Variants in GARNL3 observed in about 807,000 individuals in gnomAD.
The protein encoded by GARNL3 is GTPase activating Rap/RanGAP domain like 3, also known as GTPase-activating Rap/Ran-GAP domain-like protein 3.
In GARNL3, 63 loss-of-function variants were observed where a neutral mutation model predicts 125.0. The observed-to-expected ratio is 0.50, with a 90% confidence interval of 0.41 to 0.62. GARNL3 has a LOEUF of 0.62. GARNL3 is among the 20% of genes least tolerant of loss of function. GARNL3 has a pLI of 0.00. For missense variants in GARNL3, 994 were observed against 1,244.0 expected (o/e 0.80, Z 3.02); for synonymous variants, 439 against 457.5 (o/e 0.96, Z 0.52).
At chr9:127,285,755 T>G (rs1007880652) in intron 1 of GARNL3, among the ~76,000 whole-genome samples, 3 of 152,196 alleles carry the variant, frequency 2.0e-5, no homozygotes, top group Non-Finnish European at 4.4e-5. Flanking sequence ...AAAATAACAT[T>G]TTTTATTTGA....
chr9:127,339,788 C>G (rs1300486570), intron 13 of GARNL3, 37 bp downstream of exon 13: 1 of 1,241,088 alleles, frequency 8.1e-7, no homozygotes, highest in African/African-American at 1.5e-5. Flanking sequence ...GCAACTTGTT[C>G]TATGTCAGAA....
intron 2 of GARNL3, among the ~76,000 whole-genome samples, chr9:127,250,406 A>G (rs2063380299): frequency 6.6e-6 from 1 of 152,196 alleles, no homozygotes; most frequent in Non-Finnish European, 1.5e-5. Flanking sequence ...GACTGAGTAG[A>G]TGTGGGATGT....
chr9:127,270,022 A>G (rs1181784482), intron 1 of GARNL3, among the ~76,000 whole-genome samples: 2 of 152,156 alleles, frequency 1.3e-5, no homozygotes, highest in Non-Finnish European at 2.9e-5. Flanking sequence ...TTCAATGTCC[A>G]GAAGATTCTC....
At chr9:127,376,116 C>G (rs894606432) in intron 22 of GARNL3, among the ~76,000 whole-genome samples, 1 of 152,144 alleles carries the variant, frequency 6.6e-6, no homozygotes, top group African/African-American at 2.4e-5. Flanking sequence ...CACACCACCA[C>G]GCCCAGCTAA....
At chr9:127,307,513 C>T (rs187845248) in intron 2 of GARNL3, among the ~76,000 whole-genome samples, 102 of 152,078 alleles carry the variant, frequency 6.7e-4, no homozygotes, top group African/African-American at 2.4e-3. Flanking sequence ...TTTAGTAGAA[C>T]AAAGAAAAAT....
At chr9:127,262,862 T>C (rs1425183030), upstream of GARNL3, among the ~76,000 whole-genome samples, 2 of 152,214 alleles carry the variant, frequency 1.3e-5, no homozygotes, top group African/African-American at 4.8e-5. Flanking sequence ...CTTGGAGCTC[T>C]GGGTGAGCCA....
At chr9:127,282,565 G>A (rs1332814290) in intron 1 of GARNL3, among the ~76,000 whole-genome samples, 1 of 152,142 alleles carries the variant, frequency 6.6e-6, no homozygotes, top group Non-Finnish European at 1.5e-5. Flanking sequence ...AACCTGGTCA[G>A]TTGAGCCCCA....
chr9:127,356,991 C>T (rs541796845), intron 20 of GARNL3, among the ~76,000 whole-genome samples: 14 of 152,378 alleles, frequency 9.2e-5, no homozygotes, highest in Non-Finnish European at 1.9e-4. Flanking sequence ...CTGGCCTCGA[C>T]CCTTTCCAGT....
chr9:127,351,482 AAAAG>A (rs1327341100), intron 17 of GARNL3, among the ~76,000 whole-genome samples: 1 of 152,092 alleles, frequency 6.6e-6, no homozygotes, highest in Non-Finnish European at 1.5e-5. Flanking sequence ...GCTTAAAAAA[AAAAG>A]AAGAAGAATC....
chr9:127,355,563 T>C, intron 20 of GARNL3, 91 bp downstream of exon 20: 1 of 1,246,916 alleles, frequency 8.0e-7, no homozygotes, highest in Non-Finnish European at 1.2e-6. Context: ...CCCACTGAGG[T>C]TGTCCCACTG....
Position 127,385,514 on chromosome 9 carries a change from C to T in GARNL3, c.2388+369C>T, listed in dbSNP as rs905388963. On this transcript the variant is annotated intron_variant, in intron 24 of 27. Transcript: ENST00000373387. The surrounding 1 kb of genome is among the most constrained non-coding windows in gnomAD (Gnocchi z 4.1). The stretch of plus-strand genomic sequence containing the variant: ...GCTTGCAATCTTTCTTCCTTTCCCA[C>T]CCTCTATCCTCAGTTTGAATTCTTA... Among the ~76,000 whole-genome samples, 1 of 152,166 alleles carries T rather than the reference C, an allele frequency of 6.6e-6. No individual in the cohort carries two copies. Among genetic ancestry groups the T allele is most frequent in the Non-Finnish European group, 1.5e-5 (1 of 68,022 alleles).
chr9:127,376,173 T>G (rs1831894195), intron 22 of GARNL3, among the ~76,000 whole-genome samples: 1 of 152,222 alleles, frequency 6.6e-6, no homozygotes, highest in Non-Finnish European at 1.5e-5. Flanking sequence ...TCAGCCAGGC[T>G]GGTCTCGAAC....
At chr9:127,259,168 CTT>C (rs1405349249), upstream of GARNL3, among the ~76,000 whole-genome samples, 1 of 152,170 alleles carries the variant, frequency 6.6e-6, no homozygotes, top group Non-Finnish European at 1.5e-5. Context: ...TTTAACAACT[CTT>C]GACTCTTTGG....
intron 2 of GARNL3, 57 bp from the exon 3 acceptor site, chr9:127,311,579 G>C (rs986753672): frequency 6.0e-5 from 72 of 1,201,024 alleles, no homozygotes; most frequent in Non-Finnish European, 8.7e-5. Flanking sequence ...TTCATTGCCA[G>C]GTTCATGTTT....
At chr9:127,342,371 G>A (rs367782195) in intron 14 of GARNL3, 37 bp downstream of exon 14, 51 of 1,362,282 alleles carry the variant, frequency 3.7e-5, no homozygotes, top group Non-Finnish European at 5.4e-5. Context: ...CCTTCTTATG[G>A]GGTCTGAGTT....
intron 7 of GARNL3, 27 bp from the exon 8 acceptor site, chr9:127,332,247 T>G (rs10987596): frequency 0.21 from 335,379 of 1,562,734 alleles, 39,079 homozygotes; most frequent in South Asian, 0.34. Context: ...TAAAATTAAC[T>G]GTAACACCTT....
In GARNL3 at chr9:127,276,292, A is replaced by G. The variant is rs149095468; in HGVS notation, c.144+11271A>G. The stretch of plus-strand genomic sequence containing the variant: ...AGGTCAGTCTTCATGTTACATGACA[A>G]CTCTGTAGCCCTGTTAAAATTTTCT... On this transcript the variant is annotated intron_variant, in intron 1 of 27. Coordinates refer to ENST00000373387, the MANE Select transcript of GARNL3 (RefSeq NM_032293.5). Among the ~76,000 whole-genome samples the G allele has an allele frequency of 3.7e-3, 561 of 151,680 alleles. 8 individuals carry two copies. Among genetic ancestry groups the G allele is most frequent in the African/African-American group, 0.013 (533 of 41,326 alleles).
chr9:127,348,916 C>T lies in GARNL3; in HGVS notation c.1432-8C>T, dbSNP rs1174446517. 20 of 1,594,922 alleles carry T rather than the reference C, an allele frequency of 1.3e-5. No individual in the cohort carries two copies. The highest frequency in any genetic ancestry group is 1.6e-5 in the Non-Finnish European group (19 of 1,166,042). ...CACTTATCTTCCGATGCTTGTATTG[C>T]CTCACAGCCGTGGGAGCCCCAGTGT... On this transcript the variant is annotated splice_polypyrimidine_tract_variant and splice_region_variant and intron_variant, in intron 16 of 27. Coordinates refer to ENST00000373387, the MANE Select transcript of GARNL3 (RefSeq NM_032293.5).
intron 1 of GARNL3, among the ~76,000 whole-genome samples, chr9:127,230,011 G>T (rs2062974599): frequency 6.6e-6 from 1 of 152,214 alleles, no homozygotes; most frequent in South Asian, 2.1e-4. Context: ...AGGCCTCCAG[G>T]CAGGGGCAGT....
Sources: gnomAD v4.1 joint callset for allele counts (sites outside exome capture counted in the v4.1 genomes callset) on GRCh38, gnomAD v4.1.1 for gene constraint, Gnocchi (gnomAD v3.1) non-coding constraint, MANE v1.5 for transcripts, NCBI Gene and HGNC (gene_info 2026-07-23, HGNC 2026-07-21) for gene names.